Variants in IL1RAPL1 observed in about 807,000 individuals in gnomAD.
The protein encoded by IL1RAPL1 is interleukin-1 receptor accessory protein-like 1.
A neutral mutation model predicts 48.4 loss-of-function variants in IL1RAPL1; 3 were observed. The observed-to-expected ratio is 0.06, with a 90% confidence interval of 0.03 to 0.16. The LOEUF is 0.16. Ranked by LOEUF, IL1RAPL1 falls within the 10% of genes least tolerant of loss-of-function variation. IL1RAPL1 has a pLI of 1.00. For synonymous variants in IL1RAPL1, 185 were observed against 187.7 expected (o/e 0.99, Z 0.12); for missense variants, 349 against 530.6 (o/e 0.66, Z 3.36).
intron 3 of IL1RAPL1, among the ~76,000 whole-genome samples, chrX:29,342,578 C>T (rs144164528): frequency 9.8e-4 from 110 of 111,936 alleles, no homozygotes; most frequent in African/African-American, 3.3e-3. Flanking sequence ...ATTAGTGATG[C>T]GTTTGGGCAG....
chrX:29,715,695 CA>C (rs1927464706), intron 6 of IL1RAPL1, among the ~76,000 whole-genome samples: 2 of 111,523 alleles, frequency 1.8e-5, no homozygotes, highest in Non-Finnish European at 3.8e-5. Context: ...AGTACTCTCC[CA>C]ATAAATTACT....
intron 2 of IL1RAPL1, among the ~76,000 whole-genome samples, chrX:28,903,300 A>G (rs999947055): frequency 1.4e-4 from 16 of 110,390 alleles, no homozygotes; most frequent in African/African-American, 5.3e-4. Context: ...TTGTATTTTT[A>G]GTAGAGATGG....
At chrX:29,618,704 C>T (rs747073366) in intron 5 of IL1RAPL1, among the ~76,000 whole-genome samples, 25 of 111,608 alleles carry the variant, frequency 2.2e-4, no homozygotes, top group Middle Eastern at 4.6e-3. Flanking sequence ...ATAATCTTCC[C>T]ATCTCAGAAT....
intron 2 of IL1RAPL1, among the ~76,000 whole-genome samples, chrX:28,866,953 T>G (rs1302585533): frequency 4.5e-5 from 5 of 111,959 alleles, no homozygotes; most frequent in African/African-American, 1.6e-4. Flanking sequence ...TCACTAAAGT[T>G]AAGTGCAAGA....
chrX:28,693,859 G>C (rs771215717), intron 1 of IL1RAPL1, among the ~76,000 whole-genome samples: 2 of 111,555 alleles, frequency 1.8e-5, no homozygotes, highest in South Asian at 3.8e-4. Context: ...GTTTTACTTT[G>C]AAGGCACTAA....
intron 1 of IL1RAPL1, among the ~76,000 whole-genome samples, chrX:28,744,075 C>A (rs188518091): frequency 8.2e-4 from 91 of 110,702 alleles, no homozygotes; most frequent in African/African-American, 2.8e-3. Context: ...TTCTTTCCTC[C>A]CTCCCCTTCT....
At chrX:29,604,594 G>A (rs1008137139) in intron 5 of IL1RAPL1, among the ~76,000 whole-genome samples, 13 of 110,568 alleles carry the variant, frequency 1.2e-4, no homozygotes, top group African/African-American at 4.0e-4. Flanking sequence ...GTGAGCCACC[G>A]TACCCGGCCC....
chrX:29,028,560 A>G (rs898312549), intron 2 of IL1RAPL1, among the ~76,000 whole-genome samples: 12 of 111,233 alleles, frequency 1.1e-4, no homozygotes, highest in African/African-American at 3.9e-4. Context: ...TGCTAGGATT[A>G]CAGATGTGAG....
At chrX:29,748,299 T>G (rs148005060) in intron 6 of IL1RAPL1, among the ~76,000 whole-genome samples, 3,121 of 112,219 alleles carry the variant, frequency 0.028, 104 homozygotes, top group African/African-American at 0.096. Flanking sequence ...CCAAAAACTT[T>G]CTGGAAACAC....
chrX:29,873,848 G>A (rs138895568), intron 6 of IL1RAPL1, among the ~76,000 whole-genome samples: 1 of 111,588 alleles, frequency 9.0e-6, no homozygotes, highest in Non-Finnish European at 1.9e-5. Context: ...CCTTTTCACA[G>A]ATCAGTATAG....
intron 5 of IL1RAPL1, among the ~76,000 whole-genome samples, chrX:29,424,967 C>T (rs1036282451): frequency 8.9e-6 from 1 of 111,759 alleles, no homozygotes; most frequent in African/African-American, 3.3e-5. Context: ...TTACAATTAT[C>T]CTCCCCATTT....
chrX:28,794,931 G>A (rs186890350), intron 2 of IL1RAPL1, among the ~76,000 whole-genome samples: 139 of 111,871 alleles, frequency 1.2e-3, no homozygotes, highest in Non-Finnish European at 1.3e-3. Context: ...TGTGATTTAT[G>A]TGCAGCTGCT....
chrX:28,815,839 G>GTATGTATATATATATA (rs1467095474), intron 2 of IL1RAPL1, among the ~76,000 whole-genome samples: 2 of 29,105 alleles, frequency 6.9e-5, no homozygotes, highest in African/African-American at 1.8e-4. Flanking sequence ...GTGTGTTTAT[G>GTATGTATATATATATA]TATATATATA....
chrX:29,081,506 A>G (rs1321189874), intron 2 of IL1RAPL1, among the ~76,000 whole-genome samples: 1 of 111,374 alleles, frequency 9.0e-6, no homozygotes, highest in African/African-American at 3.3e-5. Flanking sequence ...CCCAGCCTCA[A>G]ATACTTTTTT....
intron 2 of IL1RAPL1, among the ~76,000 whole-genome samples, chrX:29,029,161 G>C (rs2147407804): frequency 9.0e-6 from 1 of 111,119 alleles, no homozygotes; most frequent in Non-Finnish European, 1.9e-5. Flanking sequence ...AGAACAGCAT[G>C]GGAGAAACCA....
chrX:29,363,740 C>A, intron 3 of IL1RAPL1, among the ~76,000 whole-genome samples: 1 of 111,025 alleles, frequency 9.0e-6, no homozygotes, highest in African/African-American at 3.3e-5. Flanking sequence ...CAGGAGCTAG[C>A]AGGGGAGTGC....
chrX:28,879,661 GA>G (rs1188198037), intron 2 of IL1RAPL1, among the ~76,000 whole-genome samples: 1 of 111,747 alleles, frequency 8.9e-6, no homozygotes, highest in Non-Finnish European at 1.9e-5. Context: ...GTCTTTCAGA[GA>G]AAAAAGTCAT....
chrX:29,738,450 C>CTTTTTTTTTTTTT (rs59952038), intron 6 of IL1RAPL1, among the ~76,000 whole-genome samples: 10 of 86,158 alleles, frequency 1.2e-4, no homozygotes, highest in African/African-American at 4.2e-4. Flanking sequence ...CTTTTCTTTT[C>CTTTTTTTTTTTTT]TTTTTTTTTT....
chrX:29,083,559 C>T (rs1927888952), intron 2 of IL1RAPL1, among the ~76,000 whole-genome samples: 2 of 111,521 alleles, frequency 1.8e-5, no homozygotes, highest in Non-Finnish European at 3.8e-5. Context: ...CATGATTATG[C>T]AGTAGTGGCC....
Sources: allele counts gnomAD v4.1 joint callset (sites outside exome capture counted in the v4.1 genomes callset), GRCh38; gene constraint gnomAD v4.1.1; transcripts MANE v1.5; gene names NCBI Gene and HGNC (gene_info 2026-07-23, HGNC 2026-07-21).